CERKL: variants seen among roughly 807,000 people sequenced by gnomAD.
The protein encoded by CERKL is ceramide kinase-like protein.
In CERKL, 61 loss-of-function variants were observed where a neutral mutation model predicts 63.4. The ratio of observed to expected loss-of-function variants is 0.96; its 90% CI spans 0.78 to 1.19. The LOEUF is 1.19. CERKL is among the 50% of genes most tolerant of loss of function. The probability of loss-of-function intolerance (pLI) is 0.00; values close to 1 mark genes in which losing one functional copy is unlikely to be tolerated. For missense variants in CERKL, 675 were observed against 655.5 expected (o/e 1.03, Z -0.33); for synonymous variants, 250 against 230.5 (o/e 1.08, Z -0.77).
chr2:181,601,710 T>C (rs1366726450), intron 2 of CERKL, among the ~76,000 whole-genome samples: 1 of 152,256 alleles, frequency 6.6e-6, no homozygotes, highest in East Asian at 1.9e-4. Flanking sequence ...TGGCATCTCC[T>C]ACAGGCCTCC....
At chr2:181,587,981 T>G (rs951311924) in intron 2 of CERKL, among the ~76,000 whole-genome samples, 6 of 152,184 alleles carry the variant, frequency 3.9e-5, no homozygotes, top group Non-Finnish European at 7.4e-5. Flanking sequence ...TTAGAGAGTT[T>G]AAAATTTTTA....
At chr2:181,565,496 G>T in intron 4 of CERKL, 1 of 1,609,692 alleles carries the variant, frequency 6.2e-7, no homozygotes, top group Non-Finnish European at 8.5e-7. Flanking sequence ...TGCGAACAAT[G>T]GTTTCCGATG....
chr2:181,583,547 T>C (rs1684630308), intron 2 of CERKL, among the ~76,000 whole-genome samples: 1 of 152,160 alleles, frequency 6.6e-6, no homozygotes, highest in Non-Finnish European at 1.5e-5. Flanking sequence ...TTAAACGATA[T>C]CACAAAGAAG....
At chr2:181,588,804 A>C (rs1302424000) in intron 2 of CERKL, among the ~76,000 whole-genome samples, 2 of 152,074 alleles carry the variant, frequency 1.3e-5, no homozygotes, top group Non-Finnish European at 2.9e-5. Context: ...GCGATATCTC[A>C]CTGTGGTTTT....
Position 181,609,533 on chromosome 2 carries a change from T to TAAAAAAAAAAAAA in CERKL, c.239-5467_239-5455dup, listed in dbSNP as rs869037405. 1.7e-3 allele frequency among the ~76,000 whole-genome samples: 118 copies of TAAAAAAAAAAAAA among 70,196 alleles called. 3 individuals carry two copies. Among genetic ancestry groups the TAAAAAAAAAAAAA allele is most frequent in the Non-Finnish European group, 2.0e-3 (72 of 35,498 alleles). The allele number at this position is 70,196 out of a possible 152,430, so 46.1% of individuals were successfully genotyped here. A position where few individuals can be genotyped will look rare whatever the true frequency, so the allele number is the denominator to read the frequency against. ...CACCATGGTGAAACCCTGTCTCTAC[T>TAAAAAAAAAAAAA]AAAAAAAAAAAAAAAAAAAAAAATT... On this transcript the variant is annotated intron_variant, in intron 1 of 12. Transcript: ENST00000410087.
At chr2:181,621,148 G>T (rs1686430131) in intron 1 of CERKL, among the ~76,000 whole-genome samples, 1 of 152,028 alleles carries the variant, frequency 6.6e-6, no homozygotes, top group South Asian at 2.1e-4. Context: ...AAGTAAATCA[G>T]TAAGAATTGT....
In CERKL at chr2:181,634,689, A is replaced by C. The variant is rs567727957; in HGVS notation, c.238+22080T>G. ...TCCAGTCTACTCAAGAATAATGAAA[A>C]AGATCATTGTTATTCTCAAAGTTAA... On this transcript the variant is annotated intron_variant, in intron 1 of 12. Coordinates refer to ENST00000410087, the MANE Select transcript of CERKL (RefSeq NM_201548.5). Among the ~76,000 whole-genome samples, 5 of 152,254 alleles carry C rather than the reference A, an allele frequency of 3.3e-5. 1 individual carries two copies. The highest frequency in any genetic ancestry group is 3.4e-3 in the Middle Eastern group (1 of 294).
At chr2:181,621,520 C>T (rs993538381) in intron 1 of CERKL, among the ~76,000 whole-genome samples, 6 of 152,124 alleles carry the variant, frequency 3.9e-5, no homozygotes, top group Non-Finnish European at 8.8e-5. Context: ...AATGTTTATA[C>T]CTTGGCAGTC....
chr2:181,649,126 G>T (rs1687792153), intron 1 of CERKL, among the ~76,000 whole-genome samples: 1 of 152,070 alleles, frequency 6.6e-6, no homozygotes, highest in African/African-American at 2.4e-5. Flanking sequence ...GTAGCTGCAG[G>T]ACTGGAAAAA....
At chr2:181,620,920 C>T (rs1574506447) in intron 1 of CERKL, among the ~76,000 whole-genome samples, 1 of 152,212 alleles carries the variant, frequency 6.6e-6, no homozygotes, top group East Asian at 1.9e-4. Context: ...TTTTTAGGCC[C>T]AGACTTACTG....
chr2:181,611,590 TAGG>T (rs1420899455), intron 1 of CERKL, among the ~76,000 whole-genome samples: 7 of 151,942 alleles, frequency 4.6e-5, no homozygotes, highest in Non-Finnish European at 1.0e-4. Flanking sequence ...GAGGCTGAGG[TAGG>T]AGGATTCCTT....
chr2:181,559,229 C>T (rs556793867), intron 4 of CERKL, among the ~76,000 whole-genome samples: 3 of 152,212 alleles, frequency 2.0e-5, no homozygotes, highest in African/African-American at 7.2e-5. Context: ...TGAATTTCAT[C>T]TCCTTGACAT....
intron 2 of CERKL, among the ~76,000 whole-genome samples, chr2:181,576,996 C>G (rs567514495): frequency 3.3e-5 from 5 of 152,130 alleles, no homozygotes; most frequent in Non-Finnish European, 7.4e-5. Context: ...ATCAGAATTA[C>G]CTGACGTGCT....
chr2:181,588,739 C>G (rs1029961947), intron 2 of CERKL, among the ~76,000 whole-genome samples: 1 of 152,088 alleles, frequency 6.6e-6, no homozygotes, highest in Non-Finnish European at 1.5e-5. Context: ...TTCTCCACAC[C>G]CCACCAATAC....
At chr2:181,646,135 G>A (rs977539250) in intron 1 of CERKL, among the ~76,000 whole-genome samples, 6 of 152,204 alleles carry the variant, frequency 3.9e-5, no homozygotes, top group African/African-American at 1.4e-4. Context: ...GGACAGAGAA[G>A]GATGGCAGAT....
intron 6 of CERKL, among the ~76,000 whole-genome samples, chr2:181,549,070 C>T (rs1186565517): frequency 1.3e-5 from 2 of 152,126 alleles, no homozygotes; most frequent in Non-Finnish European, 2.9e-5. Context: ...ACACAGAGTA[C>T]TAAATTTTTC....
intron 1 of CERKL, among the ~76,000 whole-genome samples, chr2:181,607,008 C>T (rs934660149): frequency 6.6e-6 from 1 of 152,054 alleles, no homozygotes; most frequent in East Asian, 1.9e-4. Flanking sequence ...GACTGAGGGC[C>T]GCAAATAACT....
At chr2:181,620,945 G>T (rs1009731578) in intron 1 of CERKL, among the ~76,000 whole-genome samples, 3 of 152,158 alleles carry the variant, frequency 2.0e-5, no homozygotes, top group Admixed American at 6.5e-5. Flanking sequence ...CAAAGGGAAG[G>T]TGATAAGCAA....
intron 1 of CERKL, among the ~76,000 whole-genome samples, chr2:181,633,164 C>T (rs1401771509): frequency 1.3e-5 from 2 of 152,184 alleles, no homozygotes; most frequent in Non-Finnish European, 2.9e-5. Context: ...GAGGCCCAAA[C>T]TGAGCCATGA....
Sources: gnomAD v4.1 joint callset for allele counts (sites outside exome capture counted in the v4.1 genomes callset) on GRCh38, gnomAD v4.1.1 for gene constraint, MANE v1.5 for transcripts, NCBI Gene and HGNC (gene_info 2026-07-23, HGNC 2026-07-21) for gene names.